Variants in GPAT3 observed in about 807,000 individuals in gnomAD.
The protein encoded by GPAT3 is glycerol-3-phosphate acyltransferase 3, also known as 1-AGP acyltransferase 9.
In GPAT3, 53 loss-of-function variants were observed where a neutral mutation model predicts 58.8. The observed-to-expected ratio is 0.90, with a 90% CI of 0.72 to 1.13. The LOEUF is 1.13. Among genes scored for constraint, GPAT3 ranks in the 50% most tolerant of loss-of-function variants. The pLI, the probability that GPAT3 is intolerant of heterozygous loss-of-function variation, is 0.00. For synonymous variants in GPAT3, 197 were observed against 187.4 expected (o/e 1.05, Z -0.42); for missense variants, 511 against 527.6 (o/e 0.97, Z 0.31).
chr4:83,552,580 T>C (rs1040020335), intron 2 of GPAT3, among the ~76,000 whole-genome samples: 11 of 152,114 alleles, frequency 7.2e-5, no homozygotes, highest in Non-Finnish European at 1.2e-4. Context: ...GATTAGCAGA[T>C]GGTGGAAGAG....
intron 8 of GPAT3, 59 bp from the exon 9 acceptor site, chr4:83,597,371 T>G (rs2110109352): frequency 6.5e-6 from 6 of 922,258 alleles, no homozygotes; most frequent in Middle Eastern, 3.6e-4. Context: ...CTTTTAAAAT[T>G]TATTTTTAAA....
chr4:83,546,942 C>T (rs1170089862), intron 2 of GPAT3, among the ~76,000 whole-genome samples: 4 of 152,022 alleles, frequency 2.6e-5, no homozygotes, highest in South Asian at 2.1e-4. Flanking sequence ...GGGTGTGTGC[C>T]CTGTTGATAC....
At chr4:83,573,545 A>T (rs746374096) in intron 2 of GPAT3, among the ~76,000 whole-genome samples, 1 of 152,212 alleles carries the variant, frequency 6.6e-6, no homozygotes, top group Admixed American at 6.5e-5. Context: ...ATACTGGTCC[A>T]TCTCATTCCC....
At chr4:83,594,719 A>G (rs1223448137) in intron 6 of GPAT3, 126 bp from the exon 7 acceptor site, 8 of 737,804 alleles carry the variant, frequency 1.1e-5, no homozygotes, top group Non-Finnish European at 1.8e-5. Context: ...GATCAGACTA[A>G]GAACTTCAGT....
chr4:83,591,526 C>T (rs1726600517), intron 6 of GPAT3, among the ~76,000 whole-genome samples: 1 of 151,788 alleles, frequency 6.6e-6, no homozygotes, highest in African/African-American at 2.4e-5. Flanking sequence ...AGTTATGTAC[C>T]TTTTTAAAGA....
rs970028866 is a variant in GPAT3, at chr4:83,547,473, C to T, written c.208+2871C>T. Reference sequence around the variant, plus strand: ...TTCACCGTGTTAGCCAGGATGGTCTCGATCTCCTGACCTTGTGATCTGCCC... The same window carrying T: ...TTCACCGTGTTAGCCAGGATGGTCTTGATCTCCTGACCTTGTGATCTGCCC... On this transcript the variant is annotated intron_variant, in intron 2 of 11. Coordinates refer to ENST00000264409, the MANE Select transcript of GPAT3 (RefSeq NM_032717.5). Among the ~76,000 whole-genome samples, 9 of 151,630 alleles carry T rather than the reference C, an allele frequency of 5.9e-5. No individual in the cohort carries two copies. The South Asian group carries it at 6.2e-4, about 11-fold the overall frequency.
intron 2 of GPAT3, among the ~76,000 whole-genome samples, chr4:83,559,465 A>T (rs1398221168): frequency 1.3e-5 from 2 of 152,118 alleles, no homozygotes; most frequent in Non-Finnish European, 2.9e-5. Context: ...CTGGGATTAC[A>T]GGCGCATGCT....
chr4:83,579,272 C>G (rs1726017676), intron 2 of GPAT3, among the ~76,000 whole-genome samples: 1 of 111,590 alleles, frequency 9.0e-6, no homozygotes, highest in Non-Finnish European at 1.9e-5. Context: ...CCGCCCCTCC[C>G]CTCTGTTCCC....
At position 83,536,736 on chromosome 4, in the gene GPAT3, C is replaced by A. The variant is rs1186187581; in HGVS notation, c.114C>A (p.Tyr38Ter). Residue 38 changes from tyrosine to a stop codon, truncating the protein, a stop_gained, in exon 1 of 12, where the codon TAC becomes TAA. Coordinates refer to ENST00000264409, the MANE Select transcript of GPAT3 (RefSeq NM_032717.5). LOFTEE classifies it high-confidence loss of function. ...FGVSLGISEI[Y>*]MKILVKTLEW... ...TGTCTCTGGGCATCTCCGAGATCTA[C>A]ATGAAGATCCTAGTGAAAACTTTAG... 6.2e-7 allele frequency: 1 copy of A among 1,612,872 alleles called. No homozygotes were observed. The highest frequency in any genetic ancestry group is 1.7e-5 in the Admixed American group (1 of 59,966).
intron 11 of GPAT3, among the ~76,000 whole-genome samples, chr4:83,601,481 A>G (rs539453664): frequency 1.3e-5 from 2 of 152,332 alleles, no homozygotes; most frequent in South Asian, 4.1e-4. Flanking sequence ...GACCTGGTGC[A>G]GTGGCTCATG....
Position 83,598,709 on chromosome 4 carries a change from G to T in GPAT3, c.1191G>T (p.Leu397=). The change falls in exon 11 of 12, where the codon CTG becomes CTT. Residue 397 remains leucine (L), a synonymous_variant. Transcript: ENST00000264409. The part of the protein sequence containing the change: ...VKSAIAIQGG[L]TELPWDGGLK... ...CTGCTATTGCTATACAAGGAGGCCT[G>T]ACTGAACTTCCCTGGTAAGAGAACT... 6.7e-7 allele frequency: 1 copy of T among 1,493,040 alleles called. No individual in the cohort carries two copies. The highest frequency in any genetic ancestry group is 9.0e-7 in the Non-Finnish European group (1 of 1,112,854). The allele number at this position is 1,493,040 out of a possible 1,614,324, so 92.5% of individuals were successfully genotyped here. A position where few individuals can be genotyped will look rare whatever the true frequency, so the allele number is the denominator to read the frequency against.
In GPAT3 at chr4:83,581,156, A is replaced by G. The variant is rs527628646; in HGVS notation, c.209-406A>G. ...TGCCATTTATGGTGAATCTTTTGCCATTTTGCTTGCTTTTTGATTTTATGG... is the reference window on the plus strand; with the variant it reads ...TGCCATTTATGGTGAATCTTTTGCCGTTTTGCTTGCTTTTTGATTTTATGG... On this transcript the variant is annotated intron_variant, in intron 2 of 11. Transcript: ENST00000264409. Among the ~76,000 whole-genome samples, 9 of 149,062 alleles carry G rather than the reference A, an allele frequency of 6.0e-5. 1 individual carries two copies. In the South Asian group the frequency reaches 1.7e-3, roughly 28 times the overall value.
chr4:83,554,171 T>C (rs1320251246), intron 2 of GPAT3, among the ~76,000 whole-genome samples: 1 of 152,018 alleles, frequency 6.6e-6, no homozygotes, highest in East Asian at 1.9e-4. Context: ...TTTTTTCCTT[T>C]TTGTAGAGGC....
chr4:83,536,855 G>T, intron 1 of GPAT3, 92 bp downstream of exon 1: 1 of 1,248,430 alleles, frequency 8.0e-7, no homozygotes, highest in Non-Finnish European at 1.1e-6. Context: ...GCGAGTCAGG[G>T]GTGTGTGTGC....
chr4:83,537,426 CT>C (rs1724140301), intron 1 of GPAT3, among the ~76,000 whole-genome samples: 1 of 151,984 alleles, frequency 6.6e-6, no homozygotes, highest in Non-Finnish European at 1.5e-5. Context: ...GCAGCTTACT[CT>C]TAGGGTTTTA....
At chr4:83,563,030 G>A (rs1297534768) in intron 2 of GPAT3, among the ~76,000 whole-genome samples, 1 of 152,180 alleles carries the variant, frequency 6.6e-6, no homozygotes. Flanking sequence ...AGCTAGCACA[G>A]AAATTAAGTA....
At chr4:83,587,482 A>C (rs1726422237) in intron 4 of GPAT3, among the ~76,000 whole-genome samples, 153 bp downstream of exon 4, 1 of 152,286 alleles carries the variant, frequency 6.6e-6, no homozygotes, top group East Asian at 1.9e-4. Flanking sequence ...GCTGGAGTGC[A>C]ATGGTGTGAT....
chr4:83,601,243 C>T (rs1727042593), intron 11 of GPAT3, among the ~76,000 whole-genome samples: 1 of 152,146 alleles, frequency 6.6e-6, no homozygotes, highest in Admixed American at 6.5e-5. Context: ...TTTTATGCAT[C>T]ATTTTGTTTA....
intron 2 of GPAT3, among the ~76,000 whole-genome samples, chr4:83,577,695 G>C (rs986340287): frequency 6.7e-6 from 1 of 148,354 alleles, no homozygotes; most frequent in Admixed American, 6.8e-5. Flanking sequence ...GGCTCTGAAT[G>C]TGTTTGAATT....
Sources: gnomAD v4.1 joint callset for allele counts (sites outside exome capture counted in the v4.1 genomes callset) on GRCh38, gnomAD v4.1.1 for gene constraint, MANE v1.5 for transcripts, NCBI Gene and HGNC (gene_info 2026-07-23, HGNC 2026-07-21) for gene names.